The following RCVRN variants were observed in gnomAD, a reference collection of about 807,000 sequenced individuals.
RCVRN encodes the protein cancer associated retinopathy antigen.
Under a neutral mutation model 20.4 loss-of-function variants are expected in RCVRN, and 23 were observed. That is an observed-to-expected ratio of 1.13 (90% confidence interval 0.81 to 1.60). RCVRN has a LOEUF of 1.60. Among genes scored for constraint, RCVRN ranks in the 40% most tolerant of loss-of-function variants. The pLI, the probability that RCVRN is intolerant of heterozygous loss-of-function variation, is 0.00. For missense variants in RCVRN, 254 were observed against 254.2 expected, an observed-to-expected ratio of 1.00 and a Z score of 0.00; for synonymous variants, 105 against 105.9, an observed-to-expected ratio of 0.99 and a Z score of 0.05.
rs1277104870 is a variant in RCVRN, at chr17:9,900,994, T to A, written c.488A>T (p.Asp163Val). Residue 163 changes from aspartate to valine, a missense_variant, in exon 2 of 3, where the codon GAT becomes GTT. Coordinates refer to ENST00000226193, the MANE Select transcript of RCVRN (RefSeq NM_002903.3). ...EKIWKYFGKN[D>V]DDKLTEKEFI... The stretch of plus-strand genomic sequence containing the variant: ...ATGAAGGAAAAGGAATTCACCATCA[T>A]CATTCTTTCCAAAGTACTTCCAGAT... 1 of 1,585,814 alleles carries A rather than the reference T, an allele frequency of 6.3e-7. No individual in the cohort carries two copies.
At position 9,904,947 on chromosome 17, in the gene RCVRN, GTCGAGGTTGGAA is replaced by G. The variant is rs775353422; in HGVS notation, c.222_233del (p.Ser75_Asp78del). ...CGTACTCCTTGAAGTCCAGGGTGCCGTCGAGGTTGGAATCGAAGCTGCGGAACACATGCTGGG... is the reference window on the plus strand; with the variant it reads ...CGTACTCCTTGAAGTCCAGGGTGCCGTCGAAGCTGCGGAACACATGCTGGG... On this transcript the variant is annotated inframe_deletion, in exon 1 of 3. Transcript: ENST00000226193. This position sits in a 1 kb window ranked among gnomAD's most constrained non-coding sequence, Gnocchi z 5.8. The G allele has an allele frequency of 6.2e-7, 1 of 1,614,226 alleles. No individual in the cohort carries two copies. The highest frequency in any genetic ancestry group is 1.1e-5 in the South Asian group (1 of 91,080).
At position 9,904,807 on chromosome 17, in the gene RCVRN, A is replaced by T; in HGVS notation, c.374T>A (p.Ile125Asn). The stretch of plus-strand genomic sequence containing the variant: ...GGGAGAGGGGAGACTGACCATGACG[A>T]TCTCCAGCACTTCATTCTTGCTGAT... ...GTISKNEVLEIVMAIFKMITP... is the reference protein window; with the variant it reads ...GTISKNEVLENVMAIFKMITP... The change falls in exon 1 of 3, where the codon ATC becomes AAC. Residue 125 changes from isoleucine to asparagine, a missense_variant. Transcript: ENST00000226193. This position sits in a 1 kb window ranked among gnomAD's most constrained non-coding sequence, Gnocchi z 5.8. The T allele has an allele frequency of 6.2e-7, 1 of 1,613,400 alleles. No homozygotes were observed.
intron 2 of RCVRN, among the ~76,000 whole-genome samples, chr17:9,900,519 C>CCTAACCTTCCTTTCTTTCCTTACCTT (rs1567747247): frequency 6.6e-6 from 1 of 152,114 alleles, no homozygotes; most frequent in African/African-American, 2.4e-5. Flanking sequence ...TCCTTTCTTT[C>CCTAACCTTCCTTTCTTTCCTTACCTT]CCTCTCTCCC....
In RCVRN at chr17:9,897,982, A is replaced by ATGTGTG. The variant is rs150159863; in HGVS notation, c.*107_*112dup. On this transcript the variant is annotated 3_prime_UTR_variant, in exon 3 of 3. Transcript: ENST00000226193. ...GGCCTTTCTCTTGGCCCTGGGGTGG[A>ATGTGTG]TGTGTGTGTGTGTGTGTGCGCGCGC... 852 of 651,494 alleles carry ATGTGTG rather than the reference A, an allele frequency of 1.3e-3. 1 individual carries two copies. Among genetic ancestry groups the ATGTGTG allele is most frequent in the East Asian group, 4.9e-3 (182 of 36,846 alleles). 40.4% of individuals were successfully genotyped at this position (651,494 alleles called of 1,614,324 possible).
At position 9,899,675 on chromosome 17, in the gene RCVRN, G is replaced by A. The variant is rs1458834861; in HGVS notation, c.493+1314C>T. Reference sequence around the variant, plus strand: ...AGGTGAGGGGCCAATCCGGGCCGATGAGGGAAAGGTGGGTAAAGTACCAAG... The same window carrying A: ...AGGTGAGGGGCCAATCCGGGCCGATAAGGGAAAGGTGGGTAAAGTACCAAG... On this transcript the variant is annotated intron_variant, in intron 2 of 2. Transcript: ENST00000226193. The surrounding 1 kb of genome is among the most constrained non-coding windows in gnomAD (Gnocchi z 4.6). Among the ~76,000 whole-genome samples the A allele has an allele frequency of 6.6e-6, 1 of 152,210 alleles. No homozygotes were observed. Among genetic ancestry groups the A allele is most frequent in the African/African-American group, 2.4e-5 (1 of 41,454 alleles).
chr17:9,898,302 T>A (rs894217686), intron 2 of RCVRN, 98 bp from the exon 3 acceptor site: 3 of 757,224 alleles, frequency 4.0e-6, no homozygotes, highest in African/African-American at 1.7e-5. Context: ...ATCCCCAGTG[T>A]GAATGTATCT....
rs1854521979 is a variant in RCVRN, at chr17:9,897,876, T to C, written c.*219A>G. Reference sequence around the variant, plus strand: ...GACCGGGCATGATGGGAGGGAATGCTGAAGACCCAGGAAGAAGGAACCAGT... The same window carrying C: ...GACCGGGCATGATGGGAGGGAATGCCGAAGACCCAGGAAGAAGGAACCAGT... On this transcript the variant is annotated 3_prime_UTR_variant, in exon 3 of 3. Coordinates refer to ENST00000226193, the MANE Select transcript of RCVRN (RefSeq NM_002903.3). 1.8e-6 allele frequency: 1 copy of C among 543,762 alleles called. No homozygotes were observed. Among genetic ancestry groups the C allele is most frequent in the African/African-American group, 1.9e-5 (1 of 52,412 alleles). 33.7% of individuals were successfully genotyped at this position (543,762 alleles called of 1,614,324 possible).
Position 9,898,043 on chromosome 17 carries a change from C to G in RCVRN, c.*52G>C, listed in dbSNP as rs1428786508. 4 of 1,195,358 alleles carry G rather than the reference C, an allele frequency of 3.3e-6. No individual in the cohort carries two copies. Among genetic ancestry groups the G allele is most frequent in the Non-Finnish European group, 5.0e-6 (4 of 798,354 alleles). 74.0% of individuals were successfully genotyped at this position (1,195,358 alleles called of 1,614,324 possible). On this transcript the variant is annotated 3_prime_UTR_variant, in exon 3 of 3. Coordinates refer to ENST00000226193, the MANE Select transcript of RCVRN (RefSeq NM_002903.3). ...ATGTGTGTGTGTGTGCACAGGCGCT[C>G]ACGGGTGTCATGTGAGTGGTAGGTG... is the stretch of plus-strand genomic sequence containing the variant.
rs1597414808 is a variant in RCVRN at position 9,899,913 on chromosome 17, C to A, written c.493+1076G>T. Among the ~76,000 whole-genome samples the A allele has an allele frequency of 6.6e-6, 1 of 152,166 alleles. No individual in the cohort carries two copies. ...TCCTGCTCAGCTTTTTCTTCTTGAA[C>A]CTTGGCAGAAGACTGCCTCCAGAGG... On this transcript the variant is annotated intron_variant, in intron 2 of 2. Coordinates refer to ENST00000226193, the MANE Select transcript of RCVRN (RefSeq NM_002903.3). The surrounding 1 kb of genome is among the most constrained non-coding windows in gnomAD (Gnocchi z 4.6).
chr17:9,904,452 CTG>C lies in RCVRN; in HGVS notation c.381+346_381+347del, dbSNP rs1372495806. On this transcript the variant is annotated intron_variant, in intron 1 of 2. Transcript: ENST00000226193. The surrounding 1 kb of genome is among the most constrained non-coding windows in gnomAD (Gnocchi z 5.8). ...TAAATGCATTTGAAAAATAAAGTAA[CTG>C]TGCTATGACGTCACTAGGCAGTAGG... Among the ~76,000 whole-genome samples, 2 of 152,182 alleles carry C rather than the reference CTG, an allele frequency of 1.3e-5. No homozygotes were observed. The highest frequency in any genetic ancestry group is 4.8e-5 in the African/African-American group (2 of 41,440).
Position 9,905,074 on chromosome 17 carries a change from A to T in RCVRN, c.107T>A (p.Leu36Gln). Reference sequence around the variant, plus strand: ...GATGCGGCCGGTGGGACAGTCCTTCAGGAAGGACTGGTACCAGGAGCACAG... The same window carrying T: ...GATGCGGCCGGTGGGACAGTCCTTCTGGAAGGACTGGTACCAGGAGCACAG... ...EELCSWYQSF[L>Q]KDCPTGRITQ... is the part of the protein sequence containing the mutation. The change falls in exon 1 of 3, where the codon CTG becomes CAG. Residue 36 changes from leucine (L) to glutamine (Q), a missense_variant. Leu to Gln is a moderately radical substitution (Grantham distance 113, BLOSUM62 -2). Coordinates refer to ENST00000226193, the MANE Select transcript of RCVRN (RefSeq NM_002903.3). 1 of 1,611,516 alleles carries T rather than the reference A, an allele frequency of 6.2e-7. No homozygotes were observed. The highest frequency in any genetic ancestry group is 8.5e-7 in the Non-Finnish European group (1 of 1,178,810).
In RCVRN at chr17:9,901,006, A is replaced by C. The variant is rs139053410; in HGVS notation, c.476T>G (p.Phe159Cys). The change falls in exon 2 of 3, where the codon TTT becomes TGT. Residue 159 changes from phenylalanine to cysteine, a missense_variant. Phe to Cys is a radical substitution (Grantham distance 205). Transcript: ENST00000226193. ...EKRAEKIWKYFGKNDDDKLTE... is the reference protein window; with the variant it reads ...EKRAEKIWKYCGKNDDDKLTE... ...GAATTCACCATCATCATTCTTTCCA[A>C]AGTACTTCCAGATCTTCTCGGCTCG... 2.0e-4 allele frequency: 321 copies of C among 1,604,402 alleles called. 2 individuals carry two copies. In the African/African-American group the frequency reaches 3.6e-3, roughly 18 times the overall value.
chr17:9,897,056 T>C lies in RCVRN; in HGVS notation c.*1039A>G, dbSNP rs76079491. The C allele has an allele frequency of 0.097, 14,840 of 152,268 alleles. 983 individuals carry two copies. The highest frequency in any genetic ancestry group is 0.14 in the Middle Eastern group (41 of 294). 9.4% of individuals were successfully genotyped at this position (152,268 alleles called of 1,614,324 possible). A position where few individuals can be genotyped will look rare whatever the true frequency, so the allele number is the denominator to read the frequency against. The stretch of plus-strand genomic sequence containing the variant: ...AAGCTTATTCATCGGGCTCCCTGAC[T>C]CCAGGGAGCCCCCAGTTGCTCCTCT... On this transcript the variant is annotated 3_prime_UTR_variant, in exon 3 of 3. Coordinates refer to ENST00000226193, the MANE Select transcript of RCVRN (RefSeq NM_002903.3).
rs1435844700 is a variant in RCVRN at position 9,899,143 on chromosome 17, G to A, written c.494-939C>T. ...TAGCATGAGACAGATGCTCCTTTCT[G>A]TTGTATGTTCACAGTGCCTAGCACA... On this transcript the variant is annotated intron_variant, in intron 2 of 2. Transcript: ENST00000226193. This position sits in a 1 kb window ranked among gnomAD's most constrained non-coding sequence, Gnocchi z 4.6. Among the ~76,000 whole-genome samples the A allele has an allele frequency of 6.6e-6, 1 of 152,176 alleles. No homozygotes were observed. The highest frequency in any genetic ancestry group is 1.5e-5 in the Non-Finnish European group (1 of 68,032).
rs2067356261 is a variant in RCVRN, at chr17:9,904,851, G to A, written c.330C>T (p.Asp110=). 1 of 1,614,158 alleles carries A rather than the reference G, an allele frequency of 6.2e-7. No homozygotes were observed. Among genetic ancestry groups the A allele is most frequent in the Non-Finnish European group, 8.5e-7 (1 of 1,180,030 alleles). ...TGCTGATGGTCCCGTTACCGTCCAC[G>A]TCGTAGAGGGAGAAGGCCCACTCCA... ...QKLEWAFSLY[D]VDGNGTISKN... is the part of the protein sequence containing the mutation. The change falls in exon 1 of 3, where the codon GAC becomes GAT. Residue 110 remains aspartate (D), a synonymous_variant. Coordinates refer to ENST00000226193, the MANE Select transcript of RCVRN (RefSeq NM_002903.3). The surrounding 1 kb of genome is among the most constrained non-coding windows in gnomAD (Gnocchi z 5.8).
chr17:9,901,263 A>G (rs2152054594), intron 1 of RCVRN, 163 bp from the exon 2 acceptor site: 2 of 442,498 alleles, frequency 4.5e-6, no homozygotes, highest in Non-Finnish European at 4.0e-6. Flanking sequence ...AACGTAGGGG[A>G]AAAGCTTCTT....
intron 2 of RCVRN, among the ~76,000 whole-genome samples, chr17:9,900,103 G>C (rs1461197845): frequency 6.6e-6 from 1 of 152,140 alleles, no homozygotes; most frequent in African/African-American, 2.4e-5. Context: ...GAATATGCTG[G>C]AAGCCATCAG....
rs766146472 is a variant in RCVRN, at chr17:9,897,855, G to C, written c.*240C>G. The C allele has an allele frequency of 1.1e-4, 57 of 497,312 alleles. No individual in the cohort carries two copies. Among genetic ancestry groups the C allele is most frequent in the Non-Finnish European group, 2.5e-5 (7 of 276,146 alleles). 30.8% of individuals were successfully genotyped at this position (497,312 alleles called of 1,614,324 possible). Reference sequence around the variant, plus strand: ...GGTGGACAGAGGGAGGGGTGGGACCGGGCATGATGGGAGGGAATGCTGAAG... The same window carrying C: ...GGTGGACAGAGGGAGGGGTGGGACCCGGCATGATGGGAGGGAATGCTGAAG... On this transcript the variant is annotated 3_prime_UTR_variant, in exon 3 of 3. Transcript: ENST00000226193.
Position 9,905,092 on chromosome 17 carries a change from G to A in RCVRN, c.89C>T (p.Ser30Phe), listed in dbSNP as rs539811007. 2.7e-5 allele frequency: 43 copies of A among 1,610,414 alleles called. No homozygotes were observed. The highest frequency in any genetic ancestry group is 1.7e-4 in the Middle Eastern group (1 of 6,056). The change falls in exon 1 of 3, where the codon TCC (serine) becomes TTC (phenylalanine). Residue 30 changes from serine to phenylalanine, a missense_variant. Coordinates refer to ENST00000226193, the MANE Select transcript of RCVRN (RefSeq NM_002903.3). ...NTKFSEEELC[S>F]WYQSFLKDCP... ...GTCCTTCAGGAAGGACTGGTACCAG[G>A]AGCACAGCTCCTCCTCCGAGAACTT...
Sources: allele counts gnomAD v4.1 joint callset (sites outside exome capture counted in the v4.1 genomes callset), GRCh38; gene constraint gnomAD v4.1.1; non-coding constraint Gnocchi (gnomAD v3.1); transcripts MANE v1.5; gene names NCBI Gene and HGNC (gene_info 2026-07-23, HGNC 2026-07-21).